Variants in GARNL3 observed in about 807,000 individuals in gnomAD.
GARNL3 encodes GTPase activating Rap/RanGAP domain like 3, also known as GTPase-activating Rap/Ran-GAP domain-like protein 3.
GARNL3 carries 63 observed loss-of-function variants against 125.0 expected under a neutral mutation model. That is an observed-to-expected ratio of 0.50 (90% CI 0.41 to 0.62). GARNL3 has a LOEUF of 0.62. Among genes scored for constraint, GARNL3 ranks in the 20% least tolerant of loss-of-function variants. The probability of loss-of-function intolerance (pLI) is 0.00; values close to 1 mark genes in which losing one functional copy is unlikely to be tolerated. For missense variants in GARNL3, 994 were observed against 1,244.0 expected (o/e 0.80, Z 3.02); for synonymous variants, 439 against 457.5 (o/e 0.96, Z 0.52).
At chr9:127,298,892 T>C (rs542667701) in intron 2 of GARNL3, among the ~76,000 whole-genome samples, 1 of 152,316 alleles carries the variant, frequency 6.6e-6, no homozygotes, top group South Asian at 2.1e-4. Context: ...AGCAAGAAGA[T>C]GTATTACTGG....
At chr9:127,373,101 A>G (rs1436159010) in intron 22 of GARNL3, among the ~76,000 whole-genome samples, 2 of 152,266 alleles carry the variant, frequency 1.3e-5, no homozygotes, top group Non-Finnish European at 2.9e-5. Context: ...TTCTTAGAAC[A>G]AAGAGAATGT....
chr9:127,230,998 A>C (rs1359612155), intron 1 of GARNL3, among the ~76,000 whole-genome samples: 1 of 142,062 alleles, frequency 7.0e-6, no homozygotes, highest in Admixed American at 7.0e-5. Flanking sequence ...ATATGTATAT[A>C]TACACATATG....
At chr9:127,327,017 C>T (rs957999812) in intron 7 of GARNL3, among the ~76,000 whole-genome samples, 3 of 152,126 alleles carry the variant, frequency 2.0e-5, no homozygotes, top group Non-Finnish European at 4.4e-5. Flanking sequence ...AGACATAGAC[C>T]TTTACTTATT....
At chr9:127,313,212 A>G (rs2065141646) in intron 3 of GARNL3, 1 of 514,434 alleles carries the variant, frequency 1.9e-6, no homozygotes, top group South Asian at 2.3e-5. Flanking sequence ...AGATTTCTCC[A>G]GTCTCATTGG....
chr9:127,322,040 C>T (rs2065420559), intron 6 of GARNL3, among the ~76,000 whole-genome samples: 1 of 152,114 alleles, frequency 6.6e-6, no homozygotes, highest in Non-Finnish European at 1.5e-5. Context: ...TATTTACATC[C>T]AGCCTCAACC....
intron 1 of GARNL3, among the ~76,000 whole-genome samples, chr9:127,284,731 T>C (rs2131345771): frequency 6.6e-6 from 1 of 151,598 alleles, no homozygotes; most frequent in South Asian, 2.1e-4. Context: ...ACTATTCCTA[T>C]TTGACTCAAG....
intron 25 of GARNL3, among the ~76,000 whole-genome samples, chr9:127,387,673 G>T (rs949435845): frequency 2.6e-5 from 4 of 151,080 alleles, no homozygotes; most frequent in Non-Finnish European, 5.9e-5. Flanking sequence ...ACCCTGGGAG[G>T]TGGATGTTGC....
intron 1 of GARNL3, among the ~76,000 whole-genome samples, chr9:127,274,979 C>T (rs2063916189): frequency 6.6e-6 from 1 of 152,156 alleles, no homozygotes; most frequent in East Asian, 1.9e-4. Context: ...ATTCTCTGCC[C>T]TGCATCATGG....
chr9:127,368,364 T>C (rs1223474210), intron 22 of GARNL3, among the ~76,000 whole-genome samples: 3 of 144,318 alleles, frequency 2.1e-5, no homozygotes, highest in Non-Finnish European at 4.5e-5. Context: ...AGAGTCTAGC[T>C]CTGTAGCCCA....
At position 127,269,786 on chromosome 9, in the gene GARNL3, G is replaced by GTTTTTTGTGGT. The variant is rs1554896116; in HGVS notation, c.144+4771_144+4772insGTGGTTTTTTT. Among the ~76,000 whole-genome samples, 59 of 129,820 alleles carry GTTTTTTGTGGT rather than the reference G, an allele frequency of 4.5e-4. No homozygotes were observed. The Middle Eastern group carries it at 0.012, about 26-fold the overall frequency. The allele number at this position is 129,820 out of a possible 152,430, so 85.2% of individuals were successfully genotyped here. On this transcript the variant is annotated intron_variant, in intron 1 of 27. Coordinates refer to ENST00000373387, the MANE Select transcript of GARNL3 (RefSeq NM_032293.5). ...GTTTTTGTTTTGTTTTGTTTTTTGT[G>GTTTTTTGTGGT]TTTTTTTTTTTTTTTGCTGTCAAGT...
In GARNL3 at chr9:127,278,548, G is replaced by A. The variant is rs2064017531; in HGVS notation, c.145-12620G>A. Among the ~76,000 whole-genome samples the A allele has an allele frequency of 1.3e-5, 2 of 152,154 alleles. 1 individual carries two copies. The highest frequency in any genetic ancestry group is 4.1e-4 in the South Asian group (2 of 4,836). ...TATCTGAGCATGTCTCTGATTCATA[G>A]CTTTCACAAGAACAACTTTACCTGC... is the stretch of plus-strand genomic sequence containing the variant. On this transcript the variant is annotated intron_variant, in intron 1 of 27. Transcript: ENST00000373387.
chr9:127,305,677 A>T (rs940330844), intron 2 of GARNL3, among the ~76,000 whole-genome samples: 1 of 151,830 alleles, frequency 6.6e-6, no homozygotes, highest in Non-Finnish European at 1.5e-5. Flanking sequence ...GGTTCAAGTG[A>T]TCCTCCCACC....
chr9:127,372,879 T>C (rs183565797), intron 22 of GARNL3, among the ~76,000 whole-genome samples: 152 of 152,340 alleles, frequency 1.0e-3, no homozygotes, highest in Middle Eastern at 3.4e-3. Context: ...GTGTGGAAGC[T>C]TGGAGTCAGG....
At chr9:127,239,242 C>T (rs995745133) in intron 1 of GARNL3, among the ~76,000 whole-genome samples, 3 of 152,174 alleles carry the variant, frequency 2.0e-5, no homozygotes, top group African/African-American at 7.2e-5. Context: ...CTAAGTGGCT[C>T]CTAAGACATA....
intron 1 of GARNL3, among the ~76,000 whole-genome samples, chr9:127,229,974 A>G (rs775740353): frequency 4.6e-5 from 7 of 152,260 alleles, no homozygotes; most frequent in Admixed American, 1.3e-4. Context: ...TGATGAATGT[A>G]AAGGCGAAGG....
intron 22 of GARNL3, among the ~76,000 whole-genome samples, chr9:127,377,041 G>T (rs753304945): frequency 2.0e-5 from 3 of 152,120 alleles, no homozygotes; most frequent in Non-Finnish European, 4.4e-5. Context: ...TTTATGCCTG[G>T]CATGTAGTAG....
chr9:127,383,880 G>A (rs1322274036), intron 23 of GARNL3, among the ~76,000 whole-genome samples: 1 of 152,104 alleles, frequency 6.6e-6, no homozygotes, highest in African/African-American at 2.4e-5. Context: ...CAAGTGTAAG[G>A]TCTCCAGCCT....
intron 6 of GARNL3, among the ~76,000 whole-genome samples, chr9:127,324,038 C>T (rs1410741262): frequency 6.6e-6 from 1 of 151,882 alleles, no homozygotes. Context: ...TTGCTTGAGC[C>T]CAGGAATTGG....
chr9:127,326,888 C>G (rs995616698), intron 7 of GARNL3, among the ~76,000 whole-genome samples: 2 of 152,088 alleles, frequency 1.3e-5, no homozygotes, highest in Non-Finnish European at 2.9e-5. Flanking sequence ...CCCCAGACAC[C>G]GAATCTTCCA....
Sources: allele counts gnomAD v4.1 joint callset (sites outside exome capture counted in the v4.1 genomes callset), GRCh38; gene constraint gnomAD v4.1.1; transcripts MANE v1.5; gene names NCBI Gene and HGNC (gene_info 2026-07-23, HGNC 2026-07-21).